Variants in NLRP5 observed in about 807,000 individuals in gnomAD.
NLRP5 encodes NLR family pyrin domain containing 5.
Under a neutral mutation model 113.1 loss-of-function variants are expected in NLRP5, and 93 were observed. The observed-to-expected ratio is 0.82, with a 90% CI of 0.70 to 0.98. The LOEUF is 0.98. Ranked by LOEUF, NLRP5 falls within the 50% of genes least tolerant of loss-of-function variation. The pLI is 0.00. For missense variants in NLRP5, 1,808 were observed against 1,514.3 expected (o/e 1.19, Z -3.22); for synonymous variants, 751 against 600.7 (o/e 1.25, Z -3.66).
In NLRP5 at chr19:56,007,122, A is replaced by G. The variant is rs112914022; in HGVS notation, c.443-1666A>G. On this transcript the variant is annotated intron_variant, in intron 2 of 14. Coordinates refer to ENST00000390649, the MANE Select transcript of NLRP5 (RefSeq NM_153447.4). ...TCACGCCTGTAATCCCAATACTTTG[A>G]GAGTCCTAGGCGGGCGGATCACTTG... 3.2e-3 allele frequency among the ~76,000 whole-genome samples: 481 copies of G among 151,528 alleles called. 30 individuals are homozygous for G. Among genetic ancestry groups the G allele is most frequent in the African/African-American group, 0.011 (465 of 40,866 alleles).
intron 6 of NLRP5, among the ~76,000 whole-genome samples, chr19:56,025,482 T>G (rs1440380980): frequency 6.6e-6 from 1 of 152,040 alleles, no homozygotes; most frequent in Non-Finnish European, 1.5e-5. Flanking sequence ...CTTGGCTCGC[T>G]GCAAGCTCCA....
At chr19:56,036,839 C>A (rs1983336343) in intron 9 of NLRP5, among the ~76,000 whole-genome samples, 2 of 152,136 alleles carry the variant, frequency 1.3e-5, no homozygotes, top group Non-Finnish European at 2.9e-5. Context: ...CACCTGTAAT[C>A]CCAGCTACTT....
At chr19:56,015,973 C>T (rs1046326436) in intron 4 of NLRP5, among the ~76,000 whole-genome samples, 175 bp downstream of exon 4, 1 of 152,114 alleles carries the variant, frequency 6.6e-6, no homozygotes, top group Non-Finnish European at 1.5e-5. Flanking sequence ...TGGACAGAAC[C>T]TTGCACGTTC....
chr19:56,052,330 G>A (rs1453326381), intron 12 of NLRP5, among the ~76,000 whole-genome samples: 3 of 151,970 alleles, frequency 2.0e-5, no homozygotes, highest in Non-Finnish European at 2.9e-5. Flanking sequence ...GTGCAATAGC[G>A]CAATCTCAGT....
chr19:56,013,596 G>GTTTTTTTTTGTTTTTTTTTTTTT (rs1555765384), intron 3 of NLRP5, among the ~76,000 whole-genome samples: 1 of 59,284 alleles, frequency 1.7e-5, no homozygotes, highest in African/African-American at 8.7e-5. Context: ...GGACATTTGG[G>GTTTTTTTTTGTTTTTTTTTTTTT]TTTTTTTTTT....
intron 13 of NLRP5, among the ~76,000 whole-genome samples, chr19:56,057,578 G>A (rs896165660): frequency 8.5e-5 from 13 of 152,096 alleles, no homozygotes; most frequent in Non-Finnish European, 8.8e-5. Flanking sequence ...GTGCAGTGTT[G>A]CTTTCTCTGC....
chr19:55,988,002 T>A, the NLRP5 span: 2 of 970,372 alleles, frequency 2.1e-6, no homozygotes, highest in Non-Finnish European at 3.3e-6. Flanking sequence ...CTGTATGCAT[T>A]AACGTACTTT....
chr19:56,007,934 T>TGTG (rs1982008388), intron 2 of NLRP5, among the ~76,000 whole-genome samples: 1 of 129,138 alleles, frequency 7.7e-6, no homozygotes, highest in African/African-American at 3.3e-5. Flanking sequence ...TGTGTGTGTG[T>TGTG]TTGAAACAGA....
chr19:55,989,623 C>G, the NLRP5 span, among the ~76,000 whole-genome samples: 6 of 152,116 alleles, frequency 3.9e-5, no homozygotes, highest in Non-Finnish European at 8.8e-5. Context: ...TCCCTGCCCC[C>G]GTAGTGTCTC....
chr19:56,038,297 C>A, intron 10 of NLRP5, 102 bp downstream of exon 10: 1 of 1,302,390 alleles, frequency 7.7e-7, no homozygotes, highest in Non-Finnish European at 1.1e-6. Flanking sequence ...AGCAGATGTA[C>A]AAACCAGGGG....
At chr19:56,008,734 G>A in intron 2 of NLRP5, 54 bp from the exon 3 acceptor site, 1 of 1,473,004 alleles carries the variant, frequency 6.8e-7, no homozygotes, top group South Asian at 1.2e-5. Flanking sequence ...TCCTTGGCTT[G>A]GGTAATTACA....
chr19:56,032,358 A>AAC (rs1276585740), intron 7 of NLRP5, among the ~76,000 whole-genome samples: 1 of 150,158 alleles, frequency 6.7e-6, no homozygotes, highest in African/African-American at 2.5e-5. Flanking sequence ...AAAAAAAAAA[A>AAC]AAGATCTGAT....
At position 56,020,323 on chromosome 19, in the gene NLRP5, A is replaced by G. The variant is rs1982566712; in HGVS notation, c.623-52A>G. The G allele has an allele frequency of 2.5e-6, 4 of 1,606,306 alleles. No homozygotes were observed. In the South Asian group the frequency reaches 4.4e-5, roughly 18 times the overall value. On this transcript the variant is annotated intron_variant, in intron 5 of 14. Transcript: ENST00000390649. Reference sequence around the variant, plus strand: ...TAAGCTTATCTTGGGGGTGTCTGACATCTCTGACTCGAATAATAAACACAA... The same window carrying G: ...TAAGCTTATCTTGGGGGTGTCTGACGTCTCTGACTCGAATAATAAACACAA...
At chr19:56,033,195 G>C (rs1047928441) in intron 8 of NLRP5, among the ~76,000 whole-genome samples, 28 of 152,136 alleles carry the variant, frequency 1.8e-4, no homozygotes, top group African/African-American at 6.5e-4. Flanking sequence ...AGGTTGCAGT[G>C]AGCCAAGATC....
At chr19:55,988,006 G>A in the NLRP5 span, 14 of 953,546 alleles carry the variant, frequency 1.5e-5, no homozygotes, top group African/African-American at 9.7e-5. Flanking sequence ...ATGCATTAAC[G>A]TACTTTCCCC....
intron 10 of NLRP5, 102 bp from the exon 11 acceptor site, chr19:56,040,820 A>G: frequency 2.0e-6 from 2 of 982,574 alleles, no homozygotes; most frequent in Non-Finnish European, 3.0e-6. Flanking sequence ...AGGACATGCC[A>G]ACTATGGGGG....
At chr19:56,048,848 C>T (rs1568501234) in intron 11 of NLRP5, among the ~76,000 whole-genome samples, 1 of 151,466 alleles carries the variant, frequency 6.6e-6, no homozygotes. Context: ...TCAGGAATAC[C>T]AATTATTCTT....
At chr19:56,048,422 G>C (rs997484500) in intron 11 of NLRP5, among the ~76,000 whole-genome samples, 32 of 152,168 alleles carry the variant, frequency 2.1e-4, no homozygotes, top group African/African-American at 7.0e-4. Context: ...CTTGGTAATG[G>C]CAAAATTTCT....
rs71183002 is a variant in NLRP5, at chr19:56,013,596, G to GTT, written c.509-2126_509-2125dup. On this transcript the variant is annotated intron_variant, in intron 3 of 14. Coordinates refer to ENST00000390649, the MANE Select transcript of NLRP5 (RefSeq NM_153447.4). ...CATTTATCACATGATGGACATTTGG[G>GTT]TTTTTTTTTTTTTTTTTTTTTGCTA... 1.6e-3 allele frequency among the ~76,000 whole-genome samples: 97 copies of GTT among 59,120 alleles called. 6 individuals are homozygous for GTT. Among genetic ancestry groups the GTT allele is most frequent in the East Asian group, 2.4e-3 (5 of 2,080 alleles). 38.8% of individuals were successfully genotyped at this position (59,120 alleles called of 152,430 possible).
Sources: allele counts gnomAD v4.1 joint callset (sites outside exome capture counted in the v4.1 genomes callset), GRCh38; gene constraint gnomAD v4.1.1; transcripts MANE v1.5; gene names NCBI Gene and HGNC (gene_info 2026-07-23, HGNC 2026-07-21).